The following BMPR1B variants were observed in gnomAD, a reference collection of about 807,000 sequenced individuals.
BMPR1B encodes bone morphogenetic protein receptor type 1B, also known as bone morphogenetic protein receptor type-1B.
BMPR1B carries 12 observed loss-of-function variants against 59.1 expected under a neutral mutation model. The observed-to-expected ratio is 0.20, with a 90% CI of 0.13 to 0.33. BMPR1B has a LOEUF of 0.33. Among genes scored for constraint, BMPR1B ranks in the 10% least tolerant of loss-of-function variants. The pLI, the probability that BMPR1B is intolerant of heterozygous loss-of-function variation, is 1.00. For synonymous variants in BMPR1B, 237 were observed against 207.3 expected, an observed-to-expected ratio of 1.14 and a Z score of -1.23; for missense variants, 550 against 610.9, an observed-to-expected ratio of 0.90 and a Z score of 1.05.
At chr4:95,044,499 C>T (rs1002620305) in intron 3 of BMPR1B, among the ~76,000 whole-genome samples, 1 of 152,210 alleles carries the variant, frequency 6.6e-6, no homozygotes, top group African/African-American at 2.4e-5. Flanking sequence ...TCAACAGTGA[C>T]AGTCATATCC....
intron 10 of BMPR1B, among the ~76,000 whole-genome samples, chr4:95,143,751 T>G (rs988006970): frequency 6.6e-6 from 1 of 152,224 alleles, no homozygotes; most frequent in African/African-American, 2.4e-5. Context: ...AATGCAGACA[T>G]TAACCTCATT....
At chr4:95,025,583 A>C (rs1724296451) in intron 3 of BMPR1B, among the ~76,000 whole-genome samples, 1 of 152,228 alleles carries the variant, frequency 6.6e-6, no homozygotes, top group East Asian at 1.9e-4. Context: ...CATTTTGCAC[A>C]TGAATTGTTT....
intron 2 of BMPR1B, among the ~76,000 whole-genome samples, chr4:94,940,912 A>G (rs1036842599): frequency 4.0e-5 from 6 of 151,604 alleles, no homozygotes; most frequent in Non-Finnish European, 8.8e-5. Flanking sequence ...AGTTGTTCTG[A>G]ATTTGTAGGT....
intron 3 of BMPR1B, chr4:95,051,618 C>T: frequency 7.7e-7 from 1 of 1,299,080 alleles, no homozygotes; most frequent in Non-Finnish European, 1.1e-6. Context: ...AGAGTGGCAG[C>T]AGAGGCGTCT....
At chr4:94,963,779 T>C (rs914471775) in intron 2 of BMPR1B, among the ~76,000 whole-genome samples, 12 of 152,148 alleles carry the variant, frequency 7.9e-5, no homozygotes, top group Non-Finnish European at 1.5e-4. Flanking sequence ...GTGAAGCCCA[T>C]AGCTTTGTTC....
chr4:94,986,897 C>T (rs1209731999), intron 2 of BMPR1B, among the ~76,000 whole-genome samples: 2 of 151,368 alleles, frequency 1.3e-5, no homozygotes, highest in African/African-American at 4.8e-5. Context: ...AAAAACTAGC[C>T]GGGCGTGGTG....
intron 3 of BMPR1B, among the ~76,000 whole-genome samples, chr4:95,066,764 T>G (rs956326460): frequency 6.6e-6 from 1 of 152,090 alleles, no homozygotes. Flanking sequence ...TCAAAAACCT[T>G]AGGGGGTTTT....
At position 94,837,520 on chromosome 4, in the gene BMPR1B, A is replaced by G. The variant is rs186497805; in HGVS notation, c.-182-38311A>G. Among the ~76,000 whole-genome samples the G allele has an allele frequency of 2.4e-4, 35 of 145,482 alleles. 2 individuals carry two copies. Among genetic ancestry groups the G allele is most frequent in the Middle Eastern group, 3.5e-3 (1 of 286 alleles). On this transcript the variant is annotated intron_variant, in intron 1 of 12. Coordinates refer to ENST00000515059, the MANE Select transcript of BMPR1B (RefSeq NM_001203.3). Reference sequence around the variant, plus strand: ...TGGGTATTTTATTGTCTTTGAAGCAATTGTGAATGGGAGTTCTCTCATGAT... The same window carrying G: ...TGGGTATTTTATTGTCTTTGAAGCAGTTGTGAATGGGAGTTCTCTCATGAT...
chr4:94,970,917 A>G (rs1730769445), intron 2 of BMPR1B, among the ~76,000 whole-genome samples: 1 of 152,140 alleles, frequency 6.6e-6, no homozygotes, highest in Non-Finnish European at 1.5e-5. Context: ...TGAACTCTTT[A>G]AATTCATTAA....
chr4:94,780,682 C>CTTTTTTTTTTTTT (rs869117575), intron 1 of BMPR1B, among the ~76,000 whole-genome samples: 5 of 82,342 alleles, frequency 6.1e-5, no homozygotes, highest in East Asian at 4.0e-4. Flanking sequence ...GTATTATTGT[C>CTTTTTTTTTTTTT]TTTTTTTTTT....
intron 2 of BMPR1B, among the ~76,000 whole-genome samples, chr4:94,991,575 A>C (rs1197219701): frequency 6.6e-6 from 1 of 152,212 alleles, no homozygotes; most frequent in African/African-American, 2.4e-5. Flanking sequence ...GCTCTCTGCA[A>C]GAACATATAG....
chr4:95,005,770 A>G (rs1473481480), intron 3 of BMPR1B, among the ~76,000 whole-genome samples: 3 of 151,876 alleles, frequency 2.0e-5, no homozygotes, highest in Admixed American at 6.6e-5. Context: ...CTATTGCCCA[A>G]TTATGTTAGA....
chr4:94,770,740 G>A (rs564971497), intron 1 of BMPR1B, among the ~76,000 whole-genome samples: 12 of 150,418 alleles, frequency 8.0e-5, no homozygotes, highest in Non-Finnish European at 1.5e-4. Context: ...AAAATTCATC[G>A]AATCCTATGA....
At chr4:95,008,759 A>C (rs571228189) in intron 3 of BMPR1B, among the ~76,000 whole-genome samples, 71 of 152,316 alleles carry the variant, frequency 4.7e-4, no homozygotes, top group Non-Finnish European at 7.6e-4. Flanking sequence ...AGAATTTATT[A>C]AAGATACCAT....
chr4:94,840,378 C>G (rs1560509552), intron 1 of BMPR1B, among the ~76,000 whole-genome samples: 1 of 148,302 alleles, frequency 6.7e-6, no homozygotes. Context: ...GTTCCATTCT[C>G]CGCGTCACTT....
intron 2 of BMPR1B, among the ~76,000 whole-genome samples, chr4:94,992,670 C>T (rs373402195): frequency 3.3e-5 from 5 of 152,324 alleles, no homozygotes; most frequent in East Asian, 3.9e-4. Context: ...AGACTTTTTA[C>T]ATTAAGCCTC....
At chr4:94,991,006 A>C (rs1721717446) in intron 2 of BMPR1B, among the ~76,000 whole-genome samples, 1 of 152,088 alleles carries the variant, frequency 6.6e-6, no homozygotes, top group African/African-American at 2.4e-5. Flanking sequence ...TATACCATAA[A>C]ATTTGTCCTT....
chr4:94,924,253 A>G (rs1248821922), intron 2 of BMPR1B, among the ~76,000 whole-genome samples: 1 of 152,128 alleles, frequency 6.6e-6, no homozygotes, highest in Non-Finnish European at 1.5e-5. Flanking sequence ...ATTTTCTTGT[A>G]TAATTATTTC....
Position 95,156,425 on chromosome 4 carries a change from T to C in BMPR1B, c.*1752T>C, listed in dbSNP as rs1279940453. On this transcript the variant is annotated 3_prime_UTR_variant, in exon 13 of 13. Coordinates refer to ENST00000515059, the MANE Select transcript of BMPR1B (RefSeq NM_001203.3). ...GAAGGATGGAGGATTTTTGAAAATTTGACAGCTACATGAAACATGAGAAAA... is the reference window on the plus strand; with the variant it reads ...GAAGGATGGAGGATTTTTGAAAATTCGACAGCTACATGAAACATGAGAAAA... 1 of 152,096 alleles carries C rather than the reference T, an allele frequency of 6.6e-6. No homozygotes were observed. The highest frequency in any genetic ancestry group is 6.6e-5 in the Admixed American group (1 of 15,258). The allele number at this position is 152,096 out of a possible 1,614,324, so 9.4% of individuals were successfully genotyped here. A position where few individuals can be genotyped will look rare whatever the true frequency, so the allele number is the denominator to read the frequency against.
Sources: allele counts gnomAD v4.1 joint callset (sites outside exome capture counted in the v4.1 genomes callset), GRCh38; gene constraint gnomAD v4.1.1; transcripts MANE v1.5; gene names NCBI Gene and HGNC (gene_info 2026-07-23, HGNC 2026-07-21).